The following ARHGAP15 variants were observed in gnomAD, a reference collection of about 807,000 sequenced individuals.
The protein encoded by ARHGAP15 is Rho GTPase activating protein 15, also known as rho GTPase-activating protein 15.
A neutral mutation model predicts 63.7 loss-of-function variants in ARHGAP15; 51 were observed. That is an observed-to-expected ratio of 0.80 (90% CI 0.64 to 1.01). The LOEUF is 1.01. Ranked by LOEUF, ARHGAP15 falls within the 50% of genes least tolerant of loss-of-function variation. The pLI, the probability that ARHGAP15 is intolerant of heterozygous loss-of-function variation, is 0.00. For missense variants in ARHGAP15, 560 were observed against 564.6 expected, an observed-to-expected ratio of 0.99 and a Z score of 0.08; for synonymous variants, 191 against 193.8, an observed-to-expected ratio of 0.99 and a Z score of 0.12.
intron 11 of ARHGAP15, among the ~76,000 whole-genome samples, chr2:143,593,808 G>A (rs1043245566): frequency 6.6e-6 from 1 of 151,974 alleles, no homozygotes; most frequent in Non-Finnish European, 1.5e-5. Context: ...CACAAGTAAA[G>A]GTCTTTTAAA....
At chr2:143,248,898 C>CA (rs1184482257) in intron 5 of ARHGAP15, among the ~76,000 whole-genome samples, 1 of 152,062 alleles carries the variant, frequency 6.6e-6, no homozygotes, top group Non-Finnish European at 1.5e-5. Context: ...CCTTTTTAAC[C>CA]CCCTGACTTG....
At chr2:143,378,281 G>C (rs867410388) in intron 6 of ARHGAP15, among the ~76,000 whole-genome samples, 3 of 152,116 alleles carry the variant, frequency 2.0e-5, no homozygotes, top group Middle Eastern at 3.4e-3. Flanking sequence ...CCATTCTTGA[G>C]TCTGGAGATA....
chr2:143,286,463 C>T (rs182247701), intron 6 of ARHGAP15, among the ~76,000 whole-genome samples: 157 of 152,214 alleles, frequency 1.0e-3, no homozygotes, highest in African/African-American at 3.7e-3. Flanking sequence ...TCTTGAAATC[C>T]CAGCTTTGTC....
intron 5 of ARHGAP15, among the ~76,000 whole-genome samples, chr2:143,231,069 CTTTT>C (rs914904536): frequency 1.6e-5 from 2 of 125,434 alleles, no homozygotes. Flanking sequence ...GATGTAATTC[CTTTT>C]TTTTTTTTTT....
At chr2:143,158,026 C>T (rs189306895) in intron 2 of ARHGAP15, among the ~76,000 whole-genome samples, 36 of 151,934 alleles carry the variant, frequency 2.4e-4, no homozygotes, top group Non-Finnish European at 4.6e-4. Flanking sequence ...ATGCATCCTA[C>T]TTAATATATA....
In ARHGAP15 at chr2:143,263,907, C is replaced by CTTT. The variant is rs373296096; in HGVS notation, c.474+13341_474+13343dup. ...GGTGGGTCTACGGTGAAGCTGCAGT[C>CTTT]TTTTTTTTTTTTTTTTTTTTTTTTT... is the stretch of plus-strand genomic sequence containing the variant. On this transcript the variant is annotated intron_variant, in intron 6 of 13. Coordinates refer to ENST00000295095, the MANE Select transcript of ARHGAP15 (RefSeq NM_018460.4). 1.5e-3 allele frequency among the ~76,000 whole-genome samples: 59 copies of CTTT among 38,450 alleles called. 16 individuals carry two copies. Among genetic ancestry groups the CTTT allele is most frequent in the South Asian group, 3.0e-3 (2 of 664 alleles). The allele number at this position is 38,450 out of a possible 152,430, so 25.2% of individuals were successfully genotyped here.
At chr2:143,626,440 G>C (rs1698837670) in intron 12 of ARHGAP15, among the ~76,000 whole-genome samples, 1 of 152,146 alleles carries the variant, frequency 6.6e-6, no homozygotes, top group Admixed American at 6.5e-5. Flanking sequence ...TGGAGCCGTA[G>C]ACCTTCTAGG....
intron 12 of ARHGAP15, among the ~76,000 whole-genome samples, chr2:143,691,135 T>G (rs1683581838): frequency 6.6e-6 from 1 of 152,164 alleles, no homozygotes; most frequent in South Asian, 2.1e-4. Context: ...GCAGATTTTG[T>G]TTTCAGTGAG....
At chr2:143,657,502 G>A (rs1398900411) in intron 12 of ARHGAP15, among the ~76,000 whole-genome samples, 1 of 152,110 alleles carries the variant, frequency 6.6e-6, no homozygotes, top group Non-Finnish European at 1.5e-5. Context: ...GTACTAGCAA[G>A]ATTTCTTCCT....
intron 5 of ARHGAP15, among the ~76,000 whole-genome samples, chr2:143,229,920 A>T (rs563774822): frequency 1.3e-5 from 2 of 151,780 alleles, no homozygotes; most frequent in Non-Finnish European, 2.9e-5. Flanking sequence ...CTGTAAACTA[A>T]TTATGAATAA....
intron 6 of ARHGAP15, among the ~76,000 whole-genome samples, chr2:143,414,692 G>GGAT (rs1320990242): frequency 1.3e-5 from 2 of 152,186 alleles, no homozygotes; most frequent in Admixed American, 1.3e-4. Flanking sequence ...CCAACACTTT[G>GGAT]GATGGCGAAG....
intron 2 of ARHGAP15, among the ~76,000 whole-genome samples, chr2:143,172,941 G>A (rs890187956): frequency 1.3e-5 from 2 of 152,080 alleles, no homozygotes; most frequent in African/African-American, 4.8e-5. Flanking sequence ...AGAAATATAA[G>A]AGGGCTCGAA....
intron 10 of ARHGAP15, 104 bp from the exon 11 acceptor site, chr2:143,556,303 TC>T (rs1182558986): frequency 2.4e-6 from 2 of 849,206 alleles, no homozygotes; most frequent in Non-Finnish European, 3.6e-6. Context: ...ATTGGTTTTA[TC>T]TGAGAAGAAT....
intron 11 of ARHGAP15, among the ~76,000 whole-genome samples, chr2:143,560,811 C>A (rs1300467345): frequency 2.6e-5 from 4 of 152,218 alleles, no homozygotes. Flanking sequence ...ACACGCTATT[C>A]TGTTGCAGCC....
intron 6 of ARHGAP15, among the ~76,000 whole-genome samples, chr2:143,339,735 T>C (rs543680616): frequency 6.6e-6 from 1 of 152,328 alleles, no homozygotes; most frequent in South Asian, 2.1e-4. Context: ...TGACAATCTA[T>C]GACTAAGATT....
At chr2:143,523,480 T>C (rs569529382) in intron 10 of ARHGAP15, among the ~76,000 whole-genome samples, 2 of 152,252 alleles carry the variant, frequency 1.3e-5, no homozygotes, top group African/African-American at 2.4e-5. Context: ...CTATGTGATA[T>C]AGGGAGTCCT....
intron 5 of ARHGAP15, among the ~76,000 whole-genome samples, chr2:143,247,780 C>T (rs1694099925): frequency 6.6e-6 from 1 of 152,158 alleles, no homozygotes; most frequent in Admixed American, 6.5e-5. Flanking sequence ...TGTAATCTCA[C>T]ATTTAATCCA....
intron 5 of ARHGAP15, chr2:143,236,350 T>C (rs1693645010): frequency 6.2e-6 from 1 of 162,282 alleles, no homozygotes; most frequent in African/African-American, 2.4e-5. Flanking sequence ...AGAGAAACTA[T>C]TGTTGCAAGT....
intron 11 of ARHGAP15, among the ~76,000 whole-genome samples, chr2:143,612,674 C>T (rs1007963012): frequency 6.6e-6 from 1 of 152,198 alleles, no homozygotes; most frequent in Non-Finnish European, 1.5e-5. Context: ...TGGGCAAAGC[C>T]AAAAGGCATC....
Sources: allele counts gnomAD v4.1 joint callset (sites outside exome capture counted in the v4.1 genomes callset), GRCh38; gene constraint gnomAD v4.1.1; transcripts MANE v1.5; gene names NCBI Gene and HGNC (gene_info 2026-07-23, HGNC 2026-07-21).